Variants in SYNPO2L observed in about 807,000 individuals in gnomAD.
The protein encoded by SYNPO2L is synaptopodin 2-like protein.
Under a neutral mutation model 47.5 loss-of-function variants are expected in SYNPO2L, and 34 were observed. The ratio of observed to expected loss-of-function variants is 0.72; its 90% confidence interval spans 0.54 to 0.95. The LOEUF is 0.95. Ranked by LOEUF, SYNPO2L falls within the 40% of genes least tolerant of loss-of-function variation. The pLI is 0.00. For synonymous variants in SYNPO2L, 536 were observed against 524.9 expected (o/e 1.02, Z -0.29); for missense variants, 1,246 against 1,282.0 (o/e 0.97, Z 0.43).
At chr10:73,652,765 C>T (rs1461476756) in intron 3 of SYNPO2L, among the ~76,000 whole-genome samples, 1 of 152,154 alleles carries the variant, frequency 6.6e-6, no homozygotes, top group East Asian at 1.9e-4. Flanking sequence ...TATGAGCCAC[C>T]TTGCCCCGCC....
rs1404449746 is a variant in SYNPO2L, at chr10:73,654,127, A to ACCGCT, written c.254_257+1dup. On this transcript the variant is annotated splice_donor_variant, in intron 2 of 3. Coordinates refer to ENST00000394810, the MANE Select transcript of SYNPO2L (RefSeq NM_001114133.3). LOFTEE classifies it high-confidence loss of function. The stretch of plus-strand genomic sequence containing the variant: ...GGAAGAGAAGAGGAGAGAGGTCCAT[A>ACCGCT]CCGCTGCACAGTGAGGACAAGCTGA... 1 of 1,551,480 alleles carries ACCGCT rather than the reference A, an allele frequency of 6.4e-7. No homozygotes were observed. The highest frequency in any genetic ancestry group is 8.7e-7 in the Non-Finnish European group (1 of 1,146,862).
chr10:73,654,028 A>G, intron 2 of SYNPO2L, 101 bp downstream of exon 2: 1 of 1,405,544 alleles, frequency 7.1e-7, no homozygotes, highest in Admixed American at 2.4e-5. Context: ...GAGCAGAAAT[A>G]GGTACCTGTT....
In SYNPO2L at chr10:73,655,855, C is replaced by A. The variant is rs750893658; in HGVS notation, c.68G>T (p.Gly23Val). The A allele has an allele frequency of 2.2e-5, 34 of 1,551,202 alleles. No individual in the cohort carries two copies. Among genetic ancestry groups the A allele is most frequent in the Non-Finnish European group, 2.9e-5 (33 of 1,146,936 alleles). Reference protein sequence around the residue: ...GGAPWGFRLHGGAEQRKPLQV... With the variant: ...GGAPWGFRLHVGAEQRKPLQV... ...TAACGGTTTCCTCTGCTCGGCCCCC[C>A]CATGAAGTCGGAAGCCCCAGGGGGC... The change falls in exon 1 of 4, where the codon GGG becomes GTG. Residue 23 changes from glycine to valine, a missense_variant. Around this residue, in one of 3 missense-constraint regions of SYNPO2L, gnomAD observed 61 missense variants for 55.6 expected, o/e 1.10. Transcript: ENST00000394810.
chr10:73,647,820 T>A lies in SYNPO2L; in HGVS notation c.1832A>T (p.Glu611Val). The change falls in exon 4 of 4, where the codon GAG (glutamate) becomes GTG (valine). Residue 611 changes from glutamate (E) to valine (V), a missense_variant. Around this residue, in one of 3 missense-constraint regions of SYNPO2L, gnomAD observed 1,037 missense variants for 1,021.5 expected, o/e 1.02. Transcript: ENST00000394810. ...GGCAGCTGGCACAGAGATGCGCTGC[T>A]CGCGAGCGCTGGGGGGCTCAGGAGC... ...PGAPEPPSAR[E>V]QRISVPAART... 1 of 1,592,274 alleles carries A rather than the reference T, an allele frequency of 6.3e-7. No individual in the cohort carries two copies. Among genetic ancestry groups the A allele is most frequent in the Non-Finnish European group, 8.6e-7 (1 of 1,168,144 alleles).
chr10:73,646,117 C>A lies in SYNPO2L; in HGVS notation c.*601G>T. ...GGGATTACCGGCGTGAGCCACCGTG[C>A]CCGGCCTCAGATTGGGTCTTTATTT... On this transcript the variant is annotated 3_prime_UTR_variant, in exon 4 of 4. Transcript: ENST00000394810. 1.0e-6 allele frequency: 1 copy of A among 985,876 alleles called. No homozygotes were observed. 61.1% of individuals were successfully genotyped at this position (985,876 alleles called of 1,614,324 possible).
chr10:73,650,723 C>T, intron 3 of SYNPO2L: 2 of 985,374 alleles, frequency 2.0e-6, no homozygotes, highest in Non-Finnish European at 2.4e-6. Flanking sequence ...GTCAGAAACC[C>T]CTTTGACATG....
chr10:73,652,830 A>G (rs1346849739), intron 3 of SYNPO2L, among the ~76,000 whole-genome samples: 1 of 152,118 alleles, frequency 6.6e-6, no homozygotes, highest in East Asian at 1.9e-4. Flanking sequence ...GCTTTCACCC[A>G]ATCATGACAC....
Position 73,647,365 on chromosome 10 carries a change from C to A in SYNPO2L, c.2287G>T (p.Ala763Ser), listed in dbSNP as rs2081770309. 2 of 1,614,120 alleles carry A rather than the reference C, an allele frequency of 1.2e-6. No homozygotes were observed. The highest frequency in any genetic ancestry group is 1.7e-6 in the Non-Finnish European group (2 of 1,180,008). The change falls in exon 4 of 4, where the codon GCT (alanine) becomes TCT (serine). Residue 763 changes from alanine (A) to serine (S), a missense_variant. Physicochemically the swap from Ala to Ser is moderately conservative, Grantham distance 99. Coordinates refer to ENST00000394810, the MANE Select transcript of SYNPO2L (RefSeq NM_001114133.3). Reference sequence around the variant, plus strand: ...CTGTCCGCACGGCTCTGCCGCTTAGCAAACAGCTCCCCACCCCTGCCCTGC... The same window carrying A: ...CTGTCCGCACGGCTCTGCCGCTTAGAAAACAGCTCCCCACCCCTGCCCTGC... Reference protein sequence around the residue: ...RLQGRGGELFAKRQSRADRYV... With the variant: ...RLQGRGGELFSKRQSRADRYV...
At position 73,654,312 on chromosome 10, in the gene SYNPO2L, AG is replaced by A. The variant is rs1447326807; in HGVS notation, c.106-33del. Reference sequence around the variant, plus strand: ...TGTTGAAGGAGACACTGTAGGTAAGAGGGGGCTCCAAAGGGAATAGAATGAA... The same window carrying A: ...TGTTGAAGGAGACACTGTAGGTAAGAGGGGCTCCAAAGGGAATAGAATGAA... On this transcript the variant is annotated intron_variant, in intron 1 of 3. Transcript: ENST00000394810. 8 of 1,550,292 alleles carry A rather than the reference AG, an allele frequency of 5.2e-6. No individual in the cohort carries two copies. The South Asian group carries it at 9.5e-5, about 18-fold the overall frequency.
chr10:73,655,833 C>T lies in SYNPO2L; in HGVS notation c.90G>A (p.Pro30=), dbSNP rs906379941. Residue 30 remains proline, a synonymous_variant, in exon 1 of 4, where the codon CCG becomes CCA. Transcript: ENST00000394810. ...TCTCCCTTACCTTAGACACCTGTAA[C>T]GGTTTCCTCTGCTCGGCCCCCCCAT... ...RLHGGAEQRK[P]LQVSKIRRRS... is the part of the protein sequence containing the mutation. 2.3e-5 allele frequency: 35 copies of T among 1,549,360 alleles called. No homozygotes were observed. In the Admixed American group the frequency reaches 4.5e-4, roughly 20 times the overall value.
intron 3 of SYNPO2L, chr10:73,650,926 G>A (rs2081836374): frequency 6.2e-7 from 1 of 1,613,420 alleles, no homozygotes; most frequent in Non-Finnish European, 8.5e-7. Context: ...AACGAGTCTT[G>A]GAGCTCAGGA....
rs569209745 is a variant in SYNPO2L at position 73,652,552 on chromosome 10, C to T, written c.772+587G>A. Among the ~76,000 whole-genome samples the T allele has an allele frequency of 1.4e-3, 215 of 152,244 alleles. 1 individual carries two copies. The highest frequency in any genetic ancestry group is 1.2e-3 in the Non-Finnish European group (83 of 68,012). On this transcript the variant is annotated intron_variant, in intron 3 of 3. Coordinates refer to ENST00000394810, the MANE Select transcript of SYNPO2L (RefSeq NM_001114133.3). ...AGGTGTGGTGGCGGGTGCCTATAAT[C>T]CCAGCTACTCGGGAGGCAGAGGCTG...
At position 73,647,722 on chromosome 10, in the gene SYNPO2L, TCTC is replaced by T. The variant is rs772473138; in HGVS notation, c.1927_1929del (p.Glu643del). On this transcript the variant is annotated inframe_deletion, in exon 4 of 4. Coordinates refer to ENST00000394810, the MANE Select transcript of SYNPO2L (RefSeq NM_001114133.3). The stretch of plus-strand genomic sequence containing the variant: ...AGCTCGGGGTTGGGCGAGTTCTTCG[TCTC>T]CTCCTTTCCCGGCCGGAACATCTGC... 5 of 1,613,878 alleles carry T rather than the reference TCTC, an allele frequency of 3.1e-6. No homozygotes were observed. In the African/African-American group the frequency reaches 4.0e-5, roughly 13 times the overall value.
chr10:73,647,513 G>C lies in SYNPO2L; in HGVS notation c.2139C>G (p.Thr713=). The part of the protein sequence containing the change: ...PKTPPPMAPK[T]PPPMTPKTPP... ...GAGTCTTAGGAGTCATAGGGGGCGG[G>C]GTCTTGGGAGCCATTGGAGGGGGGG... Residue 713 remains threonine, a synonymous_variant, in exon 4 of 4, where the codon ACC becomes ACG. Transcript: ENST00000394810. The C allele has an allele frequency of 6.3e-7, 1 of 1,587,018 alleles. No homozygotes were observed. Among genetic ancestry groups the C allele is most frequent in the Non-Finnish European group, 8.6e-7 (1 of 1,163,958 alleles).
intron 3 of SYNPO2L, chr10:73,650,828 A>G (rs2132421400): frequency 7.0e-7 from 1 of 1,436,884 alleles, no homozygotes; most frequent in Non-Finnish European, 9.2e-7. Context: ...GACCTTTCCC[A>G]AAGACTACCC....
Position 73,655,884 on chromosome 10 carries a change from C to A in SYNPO2L, c.39G>T (p.Gly13=). Residue 13 remains glycine, a synonymous_variant, in exon 1 of 4, where the codon GGG becomes GGT. Transcript: ENST00000394810. The part of the protein sequence containing the change: ...AEEEVLVTLS[G]GAPWGFRLHG... ...GAAGTCGGAAGCCCCAGGGGGCTCC[C>A]CCTGATAGTGTGACCAGCACCTCCT... is the stretch of plus-strand genomic sequence containing the variant. 1 of 1,551,432 alleles carries A rather than the reference C, an allele frequency of 6.4e-7. No individual in the cohort carries two copies. The highest frequency in any genetic ancestry group is 8.7e-7 in the Non-Finnish European group (1 of 1,146,932).
Position 73,647,708 on chromosome 10 carries a change from G to C in SYNPO2L, c.1944C>G (p.Pro648=). 1.2e-6 allele frequency: 2 copies of C among 1,614,190 alleles called. No individual in the cohort carries two copies. The highest frequency in any genetic ancestry group is 2.2e-5 in the East Asian group (1 of 44,876). Residue 648 remains proline (P), a synonymous_variant, in exon 4 of 4, where the codon CCC becomes CCG. Coordinates refer to ENST00000394810, the MANE Select transcript of SYNPO2L (RefSeq NM_001114133.3). Reference sequence around the variant, plus strand: ...GTACCAGCGATAGCAGCTCGGGGTTGGGCGAGTTCTTCGTCTCCTCCTTTC... The same window carrying C: ...GTACCAGCGATAGCAGCTCGGGGTTCGGCGAGTTCTTCGTCTCCTCCTTTC... The part of the protein sequence containing the change: ...RPGKEETKNS[P]NPELLSLVQN...
At chr10:73,655,415 G>A (rs1275729596) in intron 1 of SYNPO2L, among the ~76,000 whole-genome samples, 1 of 152,088 alleles carries the variant, frequency 6.6e-6, no homozygotes, top group East Asian at 1.9e-4. Flanking sequence ...TAGGCTGTTC[G>A]AGGCAGTTTC....
At position 73,646,365 on chromosome 10, in the gene SYNPO2L, T is replaced by C; in HGVS notation, c.*353A>G. 1 of 1,017,762 alleles carries C rather than the reference T, an allele frequency of 9.8e-7. No homozygotes were observed. The allele number at this position is 1,017,762 out of a possible 1,614,324, so 63.0% of individuals were successfully genotyped here. ...TCCCAGTGGTCACTTCTGCTCTGTT[T>C]ACTTCTCACTGAACATTAAAATGAG... On this transcript the variant is annotated 3_prime_UTR_variant, in exon 4 of 4. Coordinates refer to ENST00000394810, the MANE Select transcript of SYNPO2L (RefSeq NM_001114133.3).
Sources: gnomAD v4.1 joint callset for allele counts (sites outside exome capture counted in the v4.1 genomes callset) on GRCh38, gnomAD v4.1.1 for gene constraint, gnomAD v4.1.1 regional missense constraint, MANE v1.5 for transcripts, NCBI Gene and HGNC (gene_info 2026-07-23, HGNC 2026-07-21) for gene names.